Variants in DLG2 observed in about 807,000 individuals in gnomAD.
DLG2 encodes discs large MAGUK scaffold protein 2.
A neutral mutation model predicts 132.5 loss-of-function variants in DLG2; 45 were observed. The ratio of observed to expected loss-of-function variants is 0.34; its 90% CI spans 0.27 to 0.44. The LOEUF (loss-of-function observed/expected upper bound fraction) is 0.44, where lower values mean the gene tolerates loss of function less well. DLG2 is among the 20% of genes least tolerant of loss of function. DLG2 has a pLI of 1.00. For synonymous variants in DLG2, 424 were observed against 419.6 expected (o/e 1.01, Z -0.13); for missense variants, 1,045 against 1,196.9 (o/e 0.87, Z 1.87).
chr11:84,362,950 A>C (rs1277203325), intron 7 of DLG2, among the ~76,000 whole-genome samples: 1 of 152,074 alleles, frequency 6.6e-6, no homozygotes, highest in Non-Finnish European at 1.5e-5. Flanking sequence ...TGCTATTGTG[A>C]ATAGTGCTGC....
intron 21 of DLG2, among the ~76,000 whole-genome samples, chr11:83,509,043 A>T (rs542963987): frequency 6.6e-6 from 1 of 152,222 alleles, no homozygotes; most frequent in Non-Finnish European, 1.5e-5. Flanking sequence ...AGTTTGTTCA[A>T]ATGTAGTCAC....
rs1233310188 is a variant in DLG2 at position 85,285,325 on chromosome 11, T to C, written c.81A>G (p.Gln27=). 2.5e-6 allele frequency: 4 copies of C among 1,611,722 alleles called. No individual in the cohort carries two copies. The highest frequency in any genetic ancestry group is 3.4e-6 in the Non-Finnish European group (4 of 1,178,596). Residue 27 remains glutamine (Q), a synonymous_variant, in exon 4 of 28, where the codon CAA becomes CAG. Coordinates refer to ENST00000376104, the MANE Select transcript of DLG2 (RefSeq NM_001142699.3). ...CTTCTATCTTCTGCTCACAACTTTT[T>C]TGAGAATTTAGCAATGTCACCTCAT... ...EFYEVTLLNS[Q]KSCEQKIEEA... is the part of the protein sequence containing the mutation.
At chr11:85,596,313 G>A (rs1035021790) in intron 3 of DLG2, among the ~76,000 whole-genome samples, 11 of 152,012 alleles carry the variant, frequency 7.2e-5, no homozygotes, top group South Asian at 2.1e-4. Flanking sequence ...TGCTTGAACC[G>A]GGAGGCAGAG....
intron 9 of DLG2, among the ~76,000 whole-genome samples, chr11:84,151,198 G>A (rs1190914342): frequency 6.6e-6 from 1 of 151,368 alleles, no homozygotes; most frequent in East Asian, 1.9e-4. Context: ...CAGTAAGATT[G>A]GCTTTTTTTT....
chr11:84,410,569 A>G (rs1211686070), intron 7 of DLG2, among the ~76,000 whole-genome samples: 2 of 149,328 alleles, frequency 1.3e-5, no homozygotes, highest in African/African-American at 2.5e-5. Flanking sequence ...TAAAAACCAC[A>G]TAAACTTTTT....
At chr11:83,503,466 T>A (rs67800421) in intron 21 of DLG2, among the ~76,000 whole-genome samples, 1 of 135,704 alleles carries the variant, frequency 7.4e-6, no homozygotes, top group Admixed American at 7.8e-5. Context: ...CACACACACA[T>A]ATATTATTAA....
chr11:83,529,305 T>C (rs1361426833), intron 21 of DLG2, among the ~76,000 whole-genome samples: 5 of 152,158 alleles, frequency 3.3e-5, no homozygotes, highest in African/African-American at 9.6e-5. Context: ...TGACCCAGCT[T>C]TCCCAACTCT....
chr11:84,427,278 C>T (rs1056952307), intron 7 of DLG2, among the ~76,000 whole-genome samples: 6 of 151,896 alleles, frequency 4.0e-5, no homozygotes, highest in East Asian at 1.9e-4. Context: ...AAAGGAGGTA[C>T]GGAAGAAAAA....
chr11:85,220,637 A>AAAAAAATATATATAT (rs371263007), intron 4 of DLG2, among the ~76,000 whole-genome samples: 1 of 148,262 alleles, frequency 6.7e-6, no homozygotes, highest in African/African-American at 2.5e-5. Flanking sequence ...TAGAAAAAAA[A>AAAAAAATATATATAT]ATATATATAT....
At chr11:84,869,059 G>A (rs1441975533) in intron 6 of DLG2, among the ~76,000 whole-genome samples, 2 of 152,160 alleles carry the variant, frequency 1.3e-5, no homozygotes, top group Non-Finnish European at 1.5e-5. Context: ...ACAGGACAGA[G>A]TAAAATGTAC....
At chr11:85,036,571 T>C (rs2061452030) in intron 6 of DLG2, among the ~76,000 whole-genome samples, 1 of 152,240 alleles carries the variant, frequency 6.6e-6, no homozygotes, top group Non-Finnish European at 1.5e-5. Flanking sequence ...TCCAATCATA[T>C]AGCATAAACA....
chr11:84,415,025 C>T (rs947119607), intron 7 of DLG2, among the ~76,000 whole-genome samples: 1 of 152,128 alleles, frequency 6.6e-6, no homozygotes, highest in South Asian at 2.1e-4. Flanking sequence ...TAAGACACTT[C>T]CTGAATTCCT....
At chr11:85,277,293 C>T (rs1227252768) in intron 4 of DLG2, among the ~76,000 whole-genome samples, 2 of 152,140 alleles carry the variant, frequency 1.3e-5, no homozygotes, top group African/African-American at 4.8e-5. Flanking sequence ...CTATGAAAGC[C>T]TGAATTAGAT....
intron 4 of DLG2, among the ~76,000 whole-genome samples, chr11:85,266,532 A>G (rs1565238083): frequency 6.6e-6 from 1 of 152,098 alleles, no homozygotes; most frequent in Non-Finnish European, 1.5e-5. Flanking sequence ...TGGGTGTAGC[A>G]AATCAGCATG....
At position 83,681,124 on chromosome 11, in the gene DLG2, C is replaced by G. The variant is rs76145479; in HGVS notation, c.1826-47799G>C. Among the ~76,000 whole-genome samples, 81 of 152,248 alleles carry G rather than the reference C, an allele frequency of 5.3e-4. No individual in the cohort carries two copies. In the East Asian group the frequency reaches 0.015, roughly 29 times the overall value. On this transcript the variant is annotated intron_variant, in intron 18 of 27. Coordinates refer to ENST00000376104, the MANE Select transcript of DLG2 (RefSeq NM_001142699.3). ...TTTGAAAAAAATGTCCTTGCTACTC[C>G]TCTCCATATATAATATGCCATATGA... is the stretch of plus-strand genomic sequence containing the variant.
chr11:85,147,696 T>C (rs1453216866), intron 5 of DLG2, among the ~76,000 whole-genome samples: 1 of 152,220 alleles, frequency 6.6e-6, no homozygotes, highest in African/African-American at 2.4e-5. Context: ...TTACCCAAAG[T>C]TATTTAACTA....
chr11:84,377,706 G>C lies in DLG2; in HGVS notation c.520-126415C>G, dbSNP rs536092008. On this transcript the variant is annotated intron_variant, in intron 7 of 27. Transcript: ENST00000376104. ...TTGTATTGACTTCTATATCACAAAAGTCTGAGAATGTTTATGATAAAAAGG... is the reference window on the plus strand; with the variant it reads ...TTGTATTGACTTCTATATCACAAAACTCTGAGAATGTTTATGATAAAAAGG... Among the ~76,000 whole-genome samples the C allele has an allele frequency of 1.6e-4, 24 of 152,246 alleles. 1 individual carries two copies. The highest frequency in any genetic ancestry group is 6.8e-3 in the Middle Eastern group (2 of 294).
chr11:84,033,928 A>G (rs1489074842), intron 11 of DLG2, among the ~76,000 whole-genome samples: 2 of 148,768 alleles, frequency 1.3e-5, no homozygotes, highest in African/African-American at 5.0e-5. Flanking sequence ...ACAAACAAAA[A>G]CAGTTAGCCG....
intron 6 of DLG2, among the ~76,000 whole-genome samples, chr11:84,538,839 T>C (rs1429148868): frequency 5.3e-5 from 8 of 152,158 alleles, no homozygotes; most frequent in African/African-American, 1.9e-4. Context: ...TGTTTTTTTT[T>C]CTTTGAGTCT....
Sources: gnomAD v4.1 joint callset for allele counts (sites outside exome capture counted in the v4.1 genomes callset) on GRCh38, gnomAD v4.1.1 for gene constraint, MANE v1.5 for transcripts, NCBI Gene and HGNC (gene_info 2026-07-23, HGNC 2026-07-21) for gene names.